SMAD3: variants seen among roughly 807,000 people sequenced by gnomAD.
SMAD3 encodes the protein MAD homolog 3.
In SMAD3, 12 loss-of-function variants were observed where a neutral mutation model predicts 51.8. The ratio of observed to expected loss-of-function variants is 0.23; its 90% CI spans 0.15 to 0.38. The LOEUF is 0.38. Among genes scored for constraint, SMAD3 ranks in the 10% least tolerant of loss-of-function variants. SMAD3 has a pLI of 1.00. For missense variants in SMAD3, 294 were observed against 565.6 expected (o/e 0.52, Z 4.87); for synonymous variants, 238 against 227.7 (o/e 1.05, Z -0.41).
chr15:67,141,598 A>G (rs1034233300), intron 1 of SMAD3, among the ~76,000 whole-genome samples: 45 of 152,314 alleles, frequency 3.0e-4, no homozygotes, highest in Non-Finnish European at 6.2e-4. Flanking sequence ...GCAGTCCCTG[A>G]AGGCTGTACC....
chr15:67,141,737 A>G (rs1169104590), intron 1 of SMAD3, among the ~76,000 whole-genome samples: 4 of 152,128 alleles, frequency 2.6e-5, no homozygotes, highest in Non-Finnish European at 1.5e-5. Context: ...ATTACCTGGA[A>G]AGTCCGATAC....
chr15:67,153,980 C>G (rs1962217159), intron 1 of SMAD3, among the ~76,000 whole-genome samples: 1 of 152,184 alleles, frequency 6.6e-6, no homozygotes, highest in South Asian at 2.1e-4. Context: ...TTGTGTGTTT[C>G]CAGTGGAGTC....
chr15:67,135,424 A>AACACCCTTTT (rs1961634334), intron 1 of SMAD3, among the ~76,000 whole-genome samples: 1 of 152,200 alleles, frequency 6.6e-6, no homozygotes, highest in Non-Finnish European at 1.5e-5. Context: ...AAGGGGTCAA[A>AACACCCTTTT]ACACCCTTTT....
rs77620237 is a variant in SMAD3, at chr15:67,193,901, T to C, written c.*3365T>C. 2.4e-3 allele frequency: 549 copies of C among 233,238 alleles called. 2 individuals carry two copies. The highest frequency in any genetic ancestry group is 0.011 in the African/African-American group (505 of 45,456). 14.4% of individuals were successfully genotyped at this position (233,238 alleles called of 1,614,324 possible). ...GTAGTGTGTGCATGGCATGCACGTA[T>C]GTAAGTAATCTGGGGAAGAAGCAAA... On this transcript the variant is annotated 3_prime_UTR_variant, in exon 9 of 9. Transcript: ENST00000327367.
intron 1 of SMAD3, among the ~76,000 whole-genome samples, chr15:67,091,052 CT>C: frequency 1.3e-5 from 2 of 152,296 alleles, no homozygotes; most frequent in Middle Eastern, 3.4e-3. Context: ...TTCATGGAGT[CT>C]GTTTCTTTTG....
intron 1 of SMAD3, among the ~76,000 whole-genome samples, chr15:67,140,177 A>G (rs12438366): frequency 0.27 from 41,473 of 151,888 alleles, 6,385 homozygotes; most frequent in South Asian, 0.35. Context: ...GTGCTTGATT[A>G]AGTGAATGTG....
intron 1 of SMAD3, among the ~76,000 whole-genome samples, chr15:67,114,110 T>G (rs1961083875): frequency 6.6e-6 from 1 of 152,174 alleles, no homozygotes; most frequent in Non-Finnish European, 1.5e-5. Context: ...CAGGTGGGGT[T>G]GTGTGCCCTT....
chr15:67,141,956 G>A (rs1047105365), intron 1 of SMAD3, among the ~76,000 whole-genome samples: 4 of 152,136 alleles, frequency 2.6e-5, no homozygotes, highest in Admixed American at 6.5e-5. Flanking sequence ...TGTCATTCAT[G>A]TTTTCCATTC....
intron 1 of SMAD3, among the ~76,000 whole-genome samples, chr15:67,085,401 A>G (rs1226164313): frequency 1.3e-5 from 2 of 152,204 alleles, no homozygotes; most frequent in African/African-American, 2.4e-5. Flanking sequence ...AGGATTTTAA[A>G]GTTTCTTCCA....
intron 1 of SMAD3, among the ~76,000 whole-genome samples, chr15:67,147,567 C>T (rs997906454): frequency 6.6e-6 from 1 of 152,118 alleles, no homozygotes; most frequent in South Asian, 2.1e-4. Context: ...TGAAATGCCC[C>T]CCACCAGCTC....
chr15:67,069,006 C>T (rs1959990081), intron 1 of SMAD3, among the ~76,000 whole-genome samples: 1 of 152,202 alleles, frequency 6.6e-6, no homozygotes, highest in Non-Finnish European at 1.5e-5. Flanking sequence ...AAACACTCTG[C>T]AAGATCTGGA....
intron 1 of SMAD3, among the ~76,000 whole-genome samples, chr15:67,141,122 C>A (rs1370497563): frequency 1.3e-5 from 2 of 152,222 alleles, no homozygotes; most frequent in Non-Finnish European, 2.9e-5. Context: ...TCTTCTGGGT[C>A]TCCCAATTCC....
intron 1 of SMAD3, among the ~76,000 whole-genome samples, chr15:67,155,715 G>A (rs1448607942): frequency 1.3e-5 from 2 of 152,146 alleles, no homozygotes; most frequent in Non-Finnish European, 1.5e-5. Flanking sequence ...TGGGCCAGTC[G>A]CGGTGGCTCA....
chr15:67,139,531 G>T (rs1439066767), intron 1 of SMAD3, among the ~76,000 whole-genome samples: 1 of 152,136 alleles, frequency 6.6e-6, no homozygotes, highest in East Asian at 1.9e-4. Context: ...TGGAATTAAG[G>T]TGTACTTAAA....
At chr15:67,182,999 AAATATATATATATATAT>A (rs1314842359) in intron 6 of SMAD3, among the ~76,000 whole-genome samples, 2 of 50,248 alleles carry the variant, frequency 4.0e-5, no homozygotes, top group African/African-American at 1.7e-4. Flanking sequence ...AAAAAAAAAA[AAATATATATATATATAT>A]ATATATATAT....
chr15:67,088,056 TAAA>T (rs1489658635), intron 1 of SMAD3, among the ~76,000 whole-genome samples: 1 of 152,136 alleles, frequency 6.6e-6, no homozygotes, highest in Non-Finnish European at 1.5e-5. Context: ...AGAATAAAAA[TAAA>T]AACCTTGAGC....
intron 5 of SMAD3, among the ~76,000 whole-genome samples, chr15:67,178,624 C>T (rs1962968981): frequency 6.6e-6 from 1 of 151,736 alleles, no homozygotes; most frequent in Admixed American, 6.6e-5. Context: ...TGGTGGCCAG[C>T]AGCACTGATA....
chr15:67,088,694 C>T (rs572274170), intron 1 of SMAD3, among the ~76,000 whole-genome samples: 1 of 152,090 alleles, frequency 6.6e-6, no homozygotes, highest in African/African-American at 2.4e-5. Flanking sequence ...CTTTGGGAGC[C>T]GAGGTGGGCG....
intron 1 of SMAD3, among the ~76,000 whole-genome samples, chr15:67,078,533 T>A (rs561711029): frequency 1.3e-5 from 2 of 152,344 alleles, no homozygotes; most frequent in Admixed American, 1.3e-4. Flanking sequence ...AAACAGCATG[T>A]TTAAATCAGT....
Sources: gnomAD v4.1 joint callset for allele counts (sites outside exome capture counted in the v4.1 genomes callset) on GRCh38, gnomAD v4.1.1 for gene constraint, MANE v1.5 for transcripts, NCBI Gene and HGNC (gene_info 2026-07-23, HGNC 2026-07-21) for gene names.